The following ACSF3 variants were observed in gnomAD, a reference collection of about 807,000 sequenced individuals.
The protein encoded by ACSF3 is acyl-CoA synthetase family member 3.
In ACSF3, 78 loss-of-function variants were observed where a neutral mutation model predicts 53.2. That is an observed-to-expected ratio of 1.47 (90% confidence interval 1.22 to 1.77). The LOEUF (loss-of-function observed/expected upper bound fraction) is 1.77. Among genes scored for constraint, ACSF3 ranks in the 40% most tolerant of loss-of-function variants. ACSF3 has a pLI of 0.00. For missense variants in ACSF3, 937 were observed against 771.1 expected, an observed-to-expected ratio of 1.22 and a Z score of -2.55; for synonymous variants, 414 against 333.1, an observed-to-expected ratio of 1.24 and a Z score of -2.65.
At chr16:89,128,806 T>C (rs1006522239) in intron 7 of ACSF3, among the ~76,000 whole-genome samples, 6 of 152,104 alleles carry the variant, frequency 3.9e-5, no homozygotes, top group African/African-American at 1.4e-4. Context: ...GTGGTTTCTT[T>C]TCAGGAATGT....
chr16:89,101,540 C>T (rs542230406), intron 3 of ACSF3, among the ~76,000 whole-genome samples, 193 bp downstream of exon 3: 17 of 152,312 alleles, frequency 1.1e-4, no homozygotes, highest in Admixed American at 3.9e-4. Flanking sequence ...CCACGCAGGA[C>T]GGCTCTGGGA....
At chr16:89,150,654 G>A (rs557635832) in intron 10 of ACSF3, 5 of 265,166 alleles carry the variant, frequency 1.9e-5, no homozygotes, top group East Asian at 9.7e-5. Context: ...TTGAGGGCCC[G>A]CTGAGGAGAA....
intron 3 of ACSF3, among the ~76,000 whole-genome samples, chr16:89,101,923 C>T (rs1439090756): frequency 2.0e-5 from 3 of 152,244 alleles, no homozygotes; most frequent in East Asian, 1.9e-4. Context: ...ACACAGCAGG[C>T]TGGGCCCTGG....
At chr16:89,154,058 C>A in intron 10 of ACSF3, 32 bp from the exon 11 acceptor site, 1 of 1,599,994 alleles carries the variant, frequency 6.3e-7, no homozygotes, top group Non-Finnish European at 8.5e-7. Flanking sequence ...ACTGTCAGGG[C>A]AGTGCGCCTC....
Position 89,102,609 on chromosome 16 carries a change from C to T in ACSF3, c.672C>T (p.Thr224=), listed in dbSNP as rs150374081. The T allele has an allele frequency of 1.1e-4, 182 of 1,613,670 alleles. No individual in the cohort carries two copies. In the East Asian group the frequency reaches 2.3e-3, roughly 21 times the overall value. The change falls in exon 4 of 11, where the codon ACC becomes ACT. Residue 224 remains threonine (T), a synonymous_variant. Coordinates refer to ENST00000614302, the MANE Select transcript of ACSF3 (RefSeq NM_001243279.3). ...TGTGCTCTCGTCCCCTGCAGGTGAC[C>T]GGGCTGGTCCACAAGTGGGCATGGA... is the stretch of plus-strand genomic sequence containing the variant. ...STHQNIRAVV[T]GLVHKWAWTK...
intron 7 of ACSF3, among the ~76,000 whole-genome samples, chr16:89,121,392 G>A (rs949461678): frequency 2.0e-5 from 3 of 152,302 alleles, no homozygotes; most frequent in Non-Finnish European, 4.4e-5. Context: ...CCCTGCACGC[G>A]GAGGTGGGTG....
rs1448522024 is a variant in ACSF3 at position 89,156,023 on chromosome 16, C to G, written c.*1816C>G. Among the ~76,000 whole-genome samples, 1 of 152,158 alleles carries G rather than the reference C, an allele frequency of 6.6e-6. No individual in the cohort carries two copies. Among genetic ancestry groups the G allele is most frequent in the East Asian group, 1.9e-4 (1 of 5,196 alleles). ...CCAGCCGGTTGACCAGAATACGGTG[C>G]TCCAAGGACATGCGGTTGAATGCCG... On this transcript the variant is annotated 3_prime_UTR_variant, in exon 11 of 11. Coordinates refer to ENST00000614302, the MANE Select transcript of ACSF3 (RefSeq NM_001243279.3).
chr16:89,124,605 C>T (rs1043541937), intron 7 of ACSF3, among the ~76,000 whole-genome samples: 1 of 151,654 alleles, frequency 6.6e-6, no homozygotes, highest in Non-Finnish European at 1.5e-5. Context: ...CCCATGCATG[C>T]ACTGCGTGTA....
rs1265594687 is a variant in ACSF3 at position 89,098,907 on chromosome 16, C to G, written c.-21+144C>G. 1.0e-5 allele frequency: 4 copies of G among 396,428 alleles called. No individual in the cohort carries two copies. In the Admixed American group the frequency reaches 1.1e-4, roughly 11 times the overall value. 24.6% of individuals were successfully genotyped at this position (396,428 alleles called of 1,614,324 possible). ...GTGTATTAGACGGTAGCATCATTGT[C>G]AAAATAATACTTGTTCAAAGTCCCT... is the stretch of plus-strand genomic sequence containing the variant. On this transcript the variant is annotated intron_variant, in intron 2 of 10. Transcript: ENST00000614302.
At chr16:89,129,855 A>C (rs777785364) in intron 7 of ACSF3, among the ~76,000 whole-genome samples, 1 of 152,216 alleles carries the variant, frequency 6.6e-6, no homozygotes, top group African/African-American at 2.4e-5. Flanking sequence ...ACATTTTAAC[A>C]CTTCCAGAAG....
intron 4 of ACSF3, among the ~76,000 whole-genome samples, chr16:89,111,751 G>C (rs1976698113): frequency 6.6e-6 from 1 of 152,216 alleles, no homozygotes; most frequent in African/African-American, 2.4e-5. Context: ...CTTCAGGTCT[G>C]CGGGCAGCCA....
chr16:89,140,285 A>T (rs951731056), intron 8 of ACSF3, among the ~76,000 whole-genome samples: 3 of 152,124 alleles, frequency 2.0e-5, no homozygotes, highest in Admixed American at 2.0e-4. Flanking sequence ...GCCCCGGGGT[A>T]ACTGGTGGAG....
Position 89,100,673 on chromosome 16 carries a change from G to C in ACSF3, c.-9G>C, listed in dbSNP as rs1351251891. 1 of 1,598,232 alleles carries C rather than the reference G, an allele frequency of 6.3e-7. No homozygotes were observed. Among genetic ancestry groups the C allele is most frequent in the Non-Finnish European group, 8.5e-7 (1 of 1,179,012 alleles). ...TTGCCTTTCTCCAGCTCGGCCGCCT[G>C]TCAGTGCAATGCTGCCCCATGTGGT... On this transcript the variant is annotated 5_prime_UTR_variant, in exon 3 of 11. Coordinates refer to ENST00000614302, the MANE Select transcript of ACSF3 (RefSeq NM_001243279.3).
chr16:89,112,006 A>G, intron 4 of ACSF3, 86 bp from the exon 5 acceptor site: 1 of 1,361,854 alleles, frequency 7.3e-7, no homozygotes. Context: ...GTGAACCATG[A>G]GAACGCTGTG....
chr16:89,134,779 G>A (rs994503795), intron 8 of ACSF3, among the ~76,000 whole-genome samples: 3 of 152,332 alleles, frequency 2.0e-5, no homozygotes, highest in East Asian at 1.9e-4. Flanking sequence ...TCGGGTGTGA[G>A]CTAAGTTGCA....
chr16:89,115,571 G>A (rs1280905341), intron 6 of ACSF3, among the ~76,000 whole-genome samples: 1 of 152,240 alleles, frequency 6.6e-6, no homozygotes, highest in African/African-American at 2.4e-5. Flanking sequence ...AATGACACGT[G>A]AGATGTTATC....
intron 4 of ACSF3, among the ~76,000 whole-genome samples, chr16:89,106,344 G>A (rs1975984243): frequency 6.6e-6 from 1 of 151,340 alleles, no homozygotes; most frequent in Non-Finnish European, 1.5e-5. Flanking sequence ...CCGGGCTGGA[G>A]TGCAGTGGCA....
intron 8 of ACSF3, among the ~76,000 whole-genome samples, chr16:89,136,019 C>T (rs1910387307): frequency 6.6e-6 from 1 of 152,282 alleles, no homozygotes; most frequent in African/African-American, 2.4e-5. Flanking sequence ...AGGTGATCCG[C>T]CCGCCTCGGC....
At chr16:89,103,499 C>T (rs1278824894) in intron 4 of ACSF3, among the ~76,000 whole-genome samples, 1 of 152,248 alleles carries the variant, frequency 6.6e-6, no homozygotes, top group Non-Finnish European at 1.5e-5. Flanking sequence ...GTAGTCAGGG[C>T]TCCCTCGGCT....
Sources: gnomAD v4.1 joint callset for allele counts (sites outside exome capture counted in the v4.1 genomes callset) on GRCh38, gnomAD v4.1.1 for gene constraint, MANE v1.5 for transcripts, NCBI Gene and HGNC (gene_info 2026-07-23, HGNC 2026-07-21) for gene names.